GGA1: variants seen among roughly 807,000 people sequenced by gnomAD.
GGA1 encodes the protein golgi associated, gamma adaptin ear containing, ARF binding protein 1.
In GGA1, 18 loss-of-function variants were observed where a neutral mutation model predicts 76.9. The ratio of observed to expected loss-of-function variants is 0.23; its 90% CI spans 0.16 to 0.35. The LOEUF (loss-of-function observed/expected upper bound fraction) is 0.35, where lower values mean the gene tolerates loss of function less well. Ranked by LOEUF, GGA1 falls within the 10% of genes least tolerant of loss-of-function variation. The pLI is 1.00. For synonymous variants in GGA1, 342 were observed against 354.7 expected, an observed-to-expected ratio of 0.96 and a Z score of 0.40; for missense variants, 755 against 859.0, an observed-to-expected ratio of 0.88 and a Z score of 1.51.
rs539453561 is a variant in GGA1 at position 37,625,717 on chromosome 22, G to A, written c.941-80G>A. On this transcript the variant is annotated intron_variant, in intron 10 of 16. Transcript: ENST00000343632. The surrounding 1 kb of genome is among the most constrained non-coding windows in gnomAD (Gnocchi z 4.1). Reference sequence around the variant, plus strand: ...AGTGGTAAAGCATCGGGGGTTAGGTGTTGCTCCCCCGCAACCCCTGTGGAC... The same window carrying A: ...AGTGGTAAAGCATCGGGGGTTAGGTATTGCTCCCCCGCAACCCCTGTGGAC... 9.7e-5 allele frequency: 112 copies of A among 1,148,804 alleles called. 2 individuals are homozygous for A. The South Asian group carries it at 1.9e-3, about 19-fold the overall frequency. 71.2% of individuals were successfully genotyped at this position (1,148,804 alleles called of 1,614,324 possible). A position where few individuals can be genotyped will look rare whatever the true frequency, so the allele number is the denominator to read the frequency against.
chr22:37,625,761 A>C lies in GGA1; in HGVS notation c.941-36A>C, dbSNP rs1486237636. ...TGTGGACTCTGAGAGACACGTGTAC[A>C]CCCAGGACTTGCCAGCCTCTTCTTT... On this transcript the variant is annotated intron_variant, in intron 10 of 16. Coordinates refer to ENST00000343632, the MANE Select transcript of GGA1 (RefSeq NM_013365.5). The surrounding 1 kb of genome is among the most constrained non-coding windows in gnomAD (Gnocchi z 4.1). 2.6e-6 allele frequency: 4 copies of C among 1,515,430 alleles called. No individual in the cohort carries two copies. The African/African-American group carries it at 5.5e-5, about 21-fold the overall frequency. The allele number at this position is 1,515,430 out of a possible 1,614,324, so 93.9% of individuals were successfully genotyped here.
In GGA1 at chr22:37,623,657, G is replaced by T; in HGVS notation, c.832+24G>T. ...AGGTGAGCCCAGGGCAGGTGCTGAG[G>T]TCAGGTCCCCCCCTCTCCCTCCACC... On this transcript the variant is annotated intron_variant, in intron 9 of 16. Transcript: ENST00000343632. The surrounding 1 kb of genome is among the most constrained non-coding windows in gnomAD (Gnocchi z 4.6). 6.7e-7 allele frequency: 1 copy of T among 1,489,014 alleles called. No homozygotes were observed. The highest frequency in any genetic ancestry group is 9.2e-7 in the Non-Finnish European group (1 of 1,088,482). 92.2% of individuals were successfully genotyped at this position (1,489,014 alleles called of 1,614,324 possible).
Position 37,625,936 on chromosome 22 carries a change from G to T in GGA1, c.1080G>T (p.Glu360Asp). Residue 360 changes from glutamate (E) to aspartate (D), a missense_variant, in exon 11 of 17, where the codon GAG becomes GAT. Coordinates refer to ENST00000343632, the MANE Select transcript of GGA1 (RefSeq NM_013365.5). This position sits in a 1 kb window ranked among gnomAD's most constrained non-coding sequence, Gnocchi z 4.1. Reference sequence around the variant, plus strand: ...CCTCAGTTTCCCTGCTTGACGACGAGCTCATGTCTCTGGGTGAGGAAGGGG... The same window carrying T: ...CCTCAGTTTCCCTGCTTGACGACGATCTCATGTCTCTGGGTGAGGAAGGGG... The part of the protein sequence containing the change: ...PSASVSLLDD[E>D]LMSLGLSDPT... 6.3e-7 allele frequency: 1 copy of T among 1,596,678 alleles called. No homozygotes were observed.
At chr22:37,631,798 G>A (rs1481630998) in intron 14 of GGA1, among the ~76,000 whole-genome samples, 198 bp from the exon 15 acceptor site, 1 of 152,192 alleles carries the variant, frequency 6.6e-6, no homozygotes, top group Non-Finnish European at 1.5e-5. Context: ...CAGACTGGGG[G>A]TTCACCTGCC....
intron 11 of GGA1, among the ~76,000 whole-genome samples, chr22:37,627,974 G>A (rs1355152675): frequency 6.6e-6 from 1 of 152,126 alleles, no homozygotes; most frequent in African/African-American, 2.4e-5. Context: ...CTACAGGTGT[G>A]TGCCACCACA....
chr22:37,624,808 G>A lies in GGA1; in HGVS notation c.833-161G>A. On this transcript the variant is annotated intron_variant, in intron 9 of 16. Transcript: ENST00000343632. This position sits in a 1 kb window ranked among gnomAD's most constrained non-coding sequence, Gnocchi z 4.3. ...AAGGGTGGGAGGTGAGACCAGGGAGGTGGCGGAGGGCCAGAGTCTCAGCAG... is the reference window on the plus strand; with the variant it reads ...AAGGGTGGGAGGTGAGACCAGGGAGATGGCGGAGGGCCAGAGTCTCAGCAG... The A allele has an allele frequency of 1.1e-6, 1 of 933,180 alleles. No individual in the cohort carries two copies. Among genetic ancestry groups the A allele is most frequent in the Non-Finnish European group, 1.6e-6 (1 of 635,020 alleles). The allele number at this position is 933,180 out of a possible 1,614,324, so 57.8% of individuals were successfully genotyped here.
At chr22:37,619,221 A>G (rs1273435214) in intron 4 of GGA1, among the ~76,000 whole-genome samples, 1 of 152,006 alleles carries the variant, frequency 6.6e-6, no homozygotes, top group East Asian at 1.9e-4. Context: ...GCACGCCACC[A>G]TGCCCGGCTA....
rs752730817 is a variant in GGA1 at position 37,623,669 on chromosome 22, C to T, written c.832+36C>T. The T allele has an allele frequency of 3.6e-6, 5 of 1,375,772 alleles. No individual in the cohort carries two copies. Among genetic ancestry groups the T allele is most frequent in the Admixed American group, 2.0e-5 (1 of 50,824 alleles). 85.2% of individuals were successfully genotyped at this position (1,375,772 alleles called of 1,614,324 possible). ...GGCAGGTGCTGAGGTCAGGTCCCCC[C>T]CTCTCCCTCCACCTCCTGCCCCCAC... is the stretch of plus-strand genomic sequence containing the variant. On this transcript the variant is annotated intron_variant, in intron 9 of 16. Coordinates refer to ENST00000343632, the MANE Select transcript of GGA1 (RefSeq NM_013365.5). This position sits in a 1 kb window ranked among gnomAD's most constrained non-coding sequence, Gnocchi z 4.6.
chr22:37,609,140 C>G (rs1016962626), intron 1 of GGA1: 5 of 1,469,426 alleles, frequency 3.4e-6, no homozygotes, highest in African/African-American at 1.5e-5. Flanking sequence ...TGGGCCATGA[C>G]CCCTGGGACG....
intron 3 of GGA1, 133 bp from the exon 4 acceptor site, chr22:37,618,315 T>G (rs1377011164): frequency 1.3e-5 from 8 of 614,938 alleles, no homozygotes; most frequent in South Asian, 1.9e-5. Context: ...CTCTGAATCT[T>G]CCAACCTCAC....
intron 7 of GGA1, among the ~76,000 whole-genome samples, chr22:37,622,432 CT>C (rs111826828): frequency 2.1e-3 from 295 of 142,520 alleles, no homozygotes; most frequent in African/African-American, 6.2e-3. Flanking sequence ...CCTGCTGAAA[CT>C]TTTTTTTTTT....
Position 37,614,238 on chromosome 22 carries a change from A to T in GGA1, c.92A>T (p.Asn31Ile). Residue 31 changes from asparagine (N) to isoleucine (I), a missense_variant, in exon 2 of 17, where the codon AAC becomes ATC. Physicochemically the swap from Asn to Ile is moderately radical, Grantham distance 149. Coordinates refer to ENST00000343632, the MANE Select transcript of GGA1 (RefSeq NM_013365.5). ...LNKELDWASINGFCEQLNEDF... is the reference protein window; with the variant it reads ...LNKELDWASIIGFCEQLNEDF... ...AAGGAGCTCGACTGGGCCAGCATCA[A>T]CGGCTTCTGCGAGCAGCTCAACGAG... 1 of 1,613,912 alleles carries T rather than the reference A, an allele frequency of 6.2e-7. No individual in the cohort carries two copies. The highest frequency in any genetic ancestry group is 1.3e-5 in the African/African-American group (1 of 75,042).
intron 4 of GGA1, among the ~76,000 whole-genome samples, chr22:37,619,363 C>T (rs1178964833): frequency 1.3e-5 from 2 of 151,064 alleles, no homozygotes; most frequent in Non-Finnish European, 2.9e-5. Flanking sequence ...CCATGCCCGG[C>T]CTACCTACCG....
intron 1 of GGA1, among the ~76,000 whole-genome samples, chr22:37,611,980 C>T (rs549341485): frequency 1.3e-5 from 2 of 151,612 alleles, no homozygotes; most frequent in African/African-American, 2.4e-5. Context: ...GGTGAAATTC[C>T]ATCTCTACCA....
rs373890303 is a variant in GGA1, at chr22:37,620,998, C to T, written c.528+85C>T. The T allele has an allele frequency of 8.7e-5, 72 of 825,026 alleles. No individual in the cohort carries two copies. The East Asian group carries it at 1.6e-3, about 19-fold the overall frequency. The allele number at this position is 825,026 out of a possible 1,614,324, so 51.1% of individuals were successfully genotyped here. A position where few individuals can be genotyped will look rare whatever the true frequency, so the allele number is the denominator to read the frequency against. On this transcript the variant is annotated intron_variant, in intron 6 of 16. Coordinates refer to ENST00000343632, the MANE Select transcript of GGA1 (RefSeq NM_013365.5). ...TGACCTCTAGCTGCCCTGGCATCAG[C>T]CGTTGGAACAGAGGCACACACTGAG... is the stretch of plus-strand genomic sequence containing the variant.
rs771616905 is a variant in GGA1, at chr22:37,632,936, G to A, written c.*225G>A. 10 of 559,788 alleles carry A rather than the reference G, an allele frequency of 1.8e-5. No individual in the cohort carries two copies. Among genetic ancestry groups the A allele is most frequent in the Admixed American group, 1.5e-4 (5 of 32,616 alleles). 34.7% of individuals were successfully genotyped at this position (559,788 alleles called of 1,614,324 possible). ...AGGAGGCTGGGCCTGGGTTTGTGCC[G>A]CTGGGGTCTCCATCACCGGGACCTG... is the stretch of plus-strand genomic sequence containing the variant. On this transcript the variant is annotated 3_prime_UTR_variant, in exon 17 of 17. Coordinates refer to ENST00000343632, the MANE Select transcript of GGA1 (RefSeq NM_013365.5). This position sits in a 1 kb window ranked among gnomAD's most constrained non-coding sequence, Gnocchi z 5.1.
At chr22:37,618,882 C>G (rs866588399) in intron 4 of GGA1, among the ~76,000 whole-genome samples, 59 of 152,182 alleles carry the variant, frequency 3.9e-4, no homozygotes, top group African/African-American at 1.3e-3. Flanking sequence ...TGAAATCACT[C>G]CCTGTGGACC....
At chr22:37,622,896 G>T (rs910879538) in intron 7 of GGA1, among the ~76,000 whole-genome samples, 2 of 152,238 alleles carry the variant, frequency 1.3e-5, no homozygotes, top group Non-Finnish European at 2.9e-5. Context: ...GACACTGGAA[G>T]GGTCTTCCTG....
chr22:37,623,545 C>T lies in GGA1; in HGVS notation c.751-7C>T. ...GGACCCTGACCCGCCCATCCTGCTG[C>T]CCTCAGGAACTGTACCAGCGCTGTG... On this transcript the variant is annotated splice_polypyrimidine_tract_variant and splice_region_variant and intron_variant, in intron 8 of 16. Coordinates refer to ENST00000343632, the MANE Select transcript of GGA1 (RefSeq NM_013365.5). The surrounding 1 kb of genome is among the most constrained non-coding windows in gnomAD (Gnocchi z 4.6). 1.2e-6 allele frequency: 2 copies of T among 1,612,382 alleles called. No homozygotes were observed. The highest frequency in any genetic ancestry group is 1.7e-6 in the Non-Finnish European group (2 of 1,178,860).
Sources: allele counts gnomAD v4.1 joint callset (sites outside exome capture counted in the v4.1 genomes callset), GRCh38; gene constraint gnomAD v4.1.1; non-coding constraint Gnocchi (gnomAD v3.1); transcripts MANE v1.5; gene names NCBI Gene and HGNC (gene_info 2026-07-23, HGNC 2026-07-21).